DKK3: variants seen among roughly 807,000 people sequenced by gnomAD.
The protein encoded by DKK3 is dickkopf-related protein 3.
Under a neutral mutation model 33.2 loss-of-function variants are expected in DKK3, and 22 were observed. The ratio of observed to expected loss-of-function variants is 0.66; its 90% CI spans 0.47 to 0.95. The LOEUF is 0.95. DKK3 is among the 40% of genes least tolerant of loss of function. The pLI, the probability that DKK3 is intolerant of heterozygous loss-of-function variation, is 0.00. For synonymous variants in DKK3, 194 were observed against 188.8 expected (o/e 1.03, Z -0.23); for missense variants, 398 against 458.4 (o/e 0.87, Z 1.20).
intron 3 of DKK3, among the ~76,000 whole-genome samples, chr11:11,988,898 C>T (rs1423106079): frequency 6.6e-6 from 1 of 152,222 alleles, no homozygotes; most frequent in East Asian, 1.9e-4. Flanking sequence ...TTTAAAAACA[C>T]TCCCTGAGAC....
intron 3 of DKK3, among the ~76,000 whole-genome samples, chr11:11,991,025 G>A (rs186985938): frequency 6.6e-6 from 1 of 152,320 alleles, no homozygotes; most frequent in African/African-American, 2.4e-5. Context: ...AACAGCATAA[G>A]CCTCTTGTCT....
At chr11:11,965,684 C>T in intron 6 of DKK3, 125 bp downstream of exon 6, 12 of 1,289,652 alleles carry the variant, frequency 9.3e-6, no homozygotes, top group Non-Finnish European at 1.3e-5. Flanking sequence ...CCAACGACCT[C>T]TCAAACCAAT....
intron 6 of DKK3, 82 bp from the exon 7 acceptor site, chr11:11,964,768 G>T: frequency 6.5e-7 from 1 of 1,540,316 alleles, no homozygotes; most frequent in Non-Finnish European, 8.7e-7. Flanking sequence ...ACTCTGTGGG[G>T]CTCCCAGCCT....
intron 3 of DKK3, among the ~76,000 whole-genome samples, chr11:11,997,399 C>G (rs745797908): frequency 6.6e-6 from 1 of 152,202 alleles, no homozygotes; most frequent in Non-Finnish European, 1.5e-5. Flanking sequence ...GGACCATGAT[C>G]ATATCCTATG....
intron 5 of DKK3, among the ~76,000 whole-genome samples, chr11:11,966,563 C>G (rs1472885015): frequency 6.6e-6 from 1 of 151,924 alleles, no homozygotes; most frequent in Non-Finnish European, 1.5e-5. Flanking sequence ...TTTTCAAAAC[C>G]CTAGTGGGGG....
intron 3 of DKK3, among the ~76,000 whole-genome samples, chr11:11,970,969 T>C (rs1847711939): frequency 6.6e-6 from 1 of 152,192 alleles, no homozygotes; most frequent in East Asian, 1.9e-4. Flanking sequence ...TAATAAAATA[T>C]TCAATGTTAG....
chr11:12,002,462 G>A lies in DKK3; in HGVS notation c.214-25C>T, dbSNP rs1848450775. 5 of 1,596,104 alleles carry A rather than the reference G, an allele frequency of 3.1e-6. No homozygotes were observed. The East Asian group carries it at 1.1e-4, about 36-fold the overall frequency. On this transcript the variant is annotated intron_variant, in intron 1 of 6. Coordinates refer to ENST00000683431, the MANE Select transcript of DKK3 (RefSeq NM_001018057.2). ...TCTATTAAATCGATGAATTTAATGAGCAAAATTATTTTCTCTTGTTACAAA... is the reference window on the plus strand; with the variant it reads ...TCTATTAAATCGATGAATTTAATGAACAAAATTATTTTCTCTTGTTACAAA...
chr11:11,987,381 A>G (rs1180258994), intron 3 of DKK3, among the ~76,000 whole-genome samples: 2 of 152,236 alleles, frequency 1.3e-5, no homozygotes, highest in Admixed American at 1.3e-4. Flanking sequence ...ATAAGTTTCC[A>G]GATCTGATGG....
At chr11:11,983,656 C>T (rs1848003989) in intron 3 of DKK3, among the ~76,000 whole-genome samples, 1 of 152,254 alleles carries the variant, frequency 6.6e-6, no homozygotes. Flanking sequence ...AGGCCTTCTC[C>T]ACCGAAGATC....
chr11:12,008,834 C>T, upstream of DKK3: 1 of 1,164,970 alleles, frequency 8.6e-7, no homozygotes, highest in Non-Finnish European at 1.1e-6. The surrounding 1 kb of genome is among the most constrained non-coding windows in gnomAD (Gnocchi z 4.6). Context: ...ACCCCGCACC[C>T]CCATCCTCGA....
chr11:11,967,234 C>A, intron 4 of DKK3, 136 bp from the exon 5 acceptor site: 1 of 1,094,014 alleles, frequency 9.1e-7, no homozygotes, highest in Non-Finnish European at 1.3e-6. Flanking sequence ...GCTGAGATTT[C>A]AGTGAAAGTC....
In DKK3 at chr11:11,964,359, G is replaced by A; in HGVS notation, c.*105C>T. 2 of 1,414,484 alleles carry A rather than the reference G, an allele frequency of 1.4e-6. No homozygotes were observed. Among genetic ancestry groups the A allele is most frequent in the South Asian group, 1.4e-5 (1 of 74,008 alleles). 87.6% of individuals were successfully genotyped at this position (1,414,484 alleles called of 1,614,324 possible). A position where few individuals can be genotyped will look rare whatever the true frequency, so the allele number is the denominator to read the frequency against. Reference sequence around the variant, plus strand: ...TCAAGCCAGAGGGGAAACTTACTGGGAAGAAGATGTAGGAAGAAGCCTGGT... The same window carrying A: ...TCAAGCCAGAGGGGAAACTTACTGGAAAGAAGATGTAGGAAGAAGCCTGGT... On this transcript the variant is annotated 3_prime_UTR_variant, in exon 7 of 7. Coordinates refer to ENST00000683431, the MANE Select transcript of DKK3 (RefSeq NM_001018057.2).
chr11:12,000,177 GTTTTTTGT>G (rs1459637564), intron 2 of DKK3, among the ~76,000 whole-genome samples: 1 of 123,246 alleles, frequency 8.1e-6, no homozygotes, highest in Non-Finnish European at 1.7e-5. Flanking sequence ...TAAGACTAGT[GTTTTTTGT>G]TTGTTTGTTT....
In DKK3 at chr11:11,981,976, T is replaced by C. The variant is rs758134803; in HGVS notation, c.436-13489A>G. On this transcript the variant is annotated intron_variant, in intron 3 of 6. Transcript: ENST00000683431. ...ATCTGTCCTTGTGGATGTCCTGGTC[T>C]CTGGATCAGCTGCTGCAGGTGCTCC... is the stretch of plus-strand genomic sequence containing the variant. 6.6e-5 allele frequency among the ~76,000 whole-genome samples: 10 copies of C among 152,258 alleles called. No individual in the cohort carries two copies. The Middle Eastern group carries it at 0.014, about 207-fold the overall frequency.
At chr11:11,964,836 A>C in intron 6 of DKK3, 150 bp from the exon 7 acceptor site, 1 of 1,431,954 alleles carries the variant, frequency 7.0e-7, no homozygotes, top group Non-Finnish European at 9.2e-7. Context: ...CTTCCCGTCA[A>C]CATCTATCTT....
intron 3 of DKK3, chr11:11,994,756 C>T (rs1185312346): frequency 6.6e-6 from 1 of 152,192 alleles, no homozygotes; most frequent in Admixed American, 6.5e-5. Context: ...AGGGAGAAAG[C>T]GCTTGTTCGA....
At chr11:12,002,501 GAAAA>G (rs3834918) in intron 1 of DKK3, 64 bp from the exon 2 acceptor site, 11 of 1,489,634 alleles carry the variant, frequency 7.4e-6, no homozygotes, top group Non-Finnish European at 1.0e-5. Context: ...GAGTCTATTA[GAAAA>G]AAAAAATCTC....
At position 11,971,281 on chromosome 11, in the gene DKK3, G is replaced by C. The variant is rs557055978; in HGVS notation, c.436-2794C>G. ...TTTCACAGAAAAATCCCTCCATGCA[G>C]ACATTAAAAAGAATGCAGTTGTTCT... On this transcript the variant is annotated intron_variant, in intron 3 of 6. Transcript: ENST00000683431. 3.3e-5 allele frequency among the ~76,000 whole-genome samples: 5 copies of C among 152,292 alleles called. No individual in the cohort carries two copies. The South Asian group carries it at 1.0e-3, about 32-fold the overall frequency.
intron 2 of DKK3, among the ~76,000 whole-genome samples, chr11:12,000,353 C>G (rs1479119596): frequency 6.6e-6 from 1 of 151,990 alleles, no homozygotes; most frequent in Non-Finnish European, 1.5e-5. Flanking sequence ...ACTACAGGTG[C>G]GTGCCACCAT....
Sources: allele counts gnomAD v4.1 joint callset (sites outside exome capture counted in the v4.1 genomes callset), GRCh38; gene constraint gnomAD v4.1.1; non-coding constraint Gnocchi (gnomAD v3.1); transcripts MANE v1.5; gene names NCBI Gene and HGNC (gene_info 2026-07-23, HGNC 2026-07-21).